JSRP1: variants seen among roughly 807,000 people sequenced by gnomAD.
JSRP1 encodes junctional sarcoplasmic reticulum protein 1.
JSRP1 carries 29 observed loss-of-function variants against 21.4 expected under a neutral mutation model. That is an observed-to-expected ratio of 1.36 (90% confidence interval 1.01 to 1.85). JSRP1 has a LOEUF of 1.85. Among genes scored for constraint, JSRP1 ranks in the 40% most tolerant of loss-of-function variants. The pLI is 0.00. For missense variants in JSRP1, 531 were observed against 461.5 expected (o/e 1.15, Z -1.38); for synonymous variants, 221 against 206.1 (o/e 1.07, Z -0.62).
At chr19:2,253,928 T>G (rs949988525) in intron 4 of JSRP1, 135 bp from the exon 5 acceptor site, 2 of 1,072,046 alleles carry the variant, frequency 1.9e-6, no homozygotes, top group African/African-American at 3.4e-5. Context: ...CGGGCGCAGG[T>G]GAACCCAGCC....
Position 2,253,873 on chromosome 19 carries a change from G to A in JSRP1, c.263-80C>T, listed in dbSNP as rs1478326059. On this transcript the variant is annotated intron_variant, in intron 4 of 6. Coordinates refer to ENST00000300961, the MANE Select transcript of JSRP1 (RefSeq NM_144616.4). The stretch of plus-strand genomic sequence containing the variant: ...CCCCGGGCGCAGGGGACAAGAGACA[G>A]GCCTGTGCCCTGAACCCGGCTCTCT... 4 of 1,323,706 alleles carry A rather than the reference G, an allele frequency of 3.0e-6. No individual in the cohort carries two copies. In the East Asian group the frequency reaches 1.2e-4, roughly 40 times the overall value. The allele number at this position is 1,323,706 out of a possible 1,614,324, so 82.0% of individuals were successfully genotyped here. A position where few individuals can be genotyped will look rare whatever the true frequency, so the allele number is the denominator to read the frequency against.
At chr19:2,254,763 G>GC (rs2025123672) in intron 2 of JSRP1, among the ~76,000 whole-genome samples, 1 of 151,280 alleles carries the variant, frequency 6.6e-6, no homozygotes, top group South Asian at 2.1e-4. Flanking sequence ...ATGGTGGCCT[G>GC]CACCTGTGGC....
At chr19:2,254,517 A>AC in intron 2 of JSRP1, 35 bp from the exon 3 acceptor site, 6 of 1,610,364 alleles carry the variant, frequency 3.7e-6, no homozygotes, top group South Asian at 2.2e-5. Flanking sequence ...GGTTGTGGGG[A>AC]CCCCCAGGCC....
At position 2,253,890 on chromosome 19, in the gene JSRP1, C is replaced by T. The variant is rs2025108492; in HGVS notation, c.263-97G>A. 3.9e-6 allele frequency: 5 copies of T among 1,288,932 alleles called. No individual in the cohort carries two copies. In the South Asian group the frequency reaches 5.6e-5, roughly 15 times the overall value. 79.8% of individuals were successfully genotyped at this position (1,288,932 alleles called of 1,614,324 possible). ...AAGAGACAGGCCTGTGCCCTGAACCCGGCTCTCTCTGCCTGCCTGTGCGGC... is the reference window on the plus strand; with the variant it reads ...AAGAGACAGGCCTGTGCCCTGAACCTGGCTCTCTCTGCCTGCCTGTGCGGC... On this transcript the variant is annotated intron_variant, in intron 4 of 6. Coordinates refer to ENST00000300961, the MANE Select transcript of JSRP1 (RefSeq NM_144616.4).
Position 2,252,561 on chromosome 19 carries a change from C to T in JSRP1, c.764G>A (p.Arg255Lys), listed in dbSNP as rs750994653. The part of the protein sequence containing the change: ...PRKEKPRKEE[R>K]PKKERPRKEE... ...TTTCCGCGGCCTCTCTTTCTTAGGT[C>T]TCTCCTCCTTCCGCGGCTTCTCCTT... Residue 255 changes from arginine to lysine, a missense_variant, in exon 7 of 7, where the codon AGA (arginine) becomes AAA (lysine). Coordinates refer to ENST00000300961, the MANE Select transcript of JSRP1 (RefSeq NM_144616.4). 1 of 1,612,888 alleles carries T rather than the reference C, an allele frequency of 6.2e-7. No individual in the cohort carries two copies. Among genetic ancestry groups the T allele is most frequent in the East Asian group, 2.2e-5 (1 of 44,870 alleles).
At chr19:2,254,014 G>A (rs561965147) in intron 4 of JSRP1, among the ~76,000 whole-genome samples, 173 bp downstream of exon 4, 30 of 152,316 alleles carry the variant, frequency 2.0e-4, no homozygotes, top group Non-Finnish European at 3.8e-4. Context: ...GGCATAGCTG[G>A]TATTATTACG....
At chr19:2,256,100 T>A (rs1027672588) in intron 1 of JSRP1, among the ~76,000 whole-genome samples, 3 of 152,038 alleles carry the variant, frequency 2.0e-5, no homozygotes, top group African/African-American at 7.2e-5. Flanking sequence ...CTCTTCAGGG[T>A]CCCCATGGCC....
In JSRP1 at chr19:2,252,835, T is replaced by A. The variant is rs771068935; in HGVS notation, c.529-39A>T. ...TGGGGTCCTGGGGTAAGCGCCCACCTTCCCCCCGGCCCGGGCTCCTTCTTT... is the reference window on the plus strand; with the variant it reads ...TGGGGTCCTGGGGTAAGCGCCCACCATCCCCCCGGCCCGGGCTCCTTCTTT... On this transcript the variant is annotated intron_variant, in intron 6 of 6. Coordinates refer to ENST00000300961, the MANE Select transcript of JSRP1 (RefSeq NM_144616.4). 18 of 1,595,968 alleles carry A rather than the reference T, an allele frequency of 1.1e-5. No homozygotes were observed. The South Asian group carries it at 2.0e-4, about 18-fold the overall frequency.
At position 2,253,787 on chromosome 19, in the gene JSRP1, C is replaced by T; in HGVS notation, c.269G>A (p.Arg90Gln). Residue 90 changes from arginine to glutamine, a missense_variant, in exon 5 of 7, where the codon CGG (arginine) becomes CAG (glutamine). Transcript: ENST00000300961. The part of the protein sequence containing the change: ...KERLKAGASP[R>Q]SVPARKKAQT... ...CGCCTTCTTGCGCGCGGGGACGCTC[C>T]GAGGGCCTGCGGGGGCAAGTGCGCG... The T allele has an allele frequency of 7.2e-7, 1 of 1,394,620 alleles. No homozygotes were observed. Among genetic ancestry groups the T allele is most frequent in the South Asian group, 1.6e-5 (1 of 61,022 alleles). The allele number at this position is 1,394,620 out of a possible 1,614,324, so 86.4% of individuals were successfully genotyped here.
At chr19:2,253,133 A>C in intron 5 of JSRP1, 130 bp from the exon 6 acceptor site, 1 of 654,164 alleles carries the variant, frequency 1.5e-6, no homozygotes, top group East Asian at 2.8e-5. Context: ...GGCTGAGACT[A>C]AGGATGCCCC....
chr19:2,252,381 T>C lies in JSRP1; in HGVS notation c.944A>G (p.Glu315Gly), dbSNP rs1226891957. 1 of 1,586,646 alleles carries C rather than the reference T, an allele frequency of 6.3e-7. No homozygotes were observed. Among genetic ancestry groups the C allele is most frequent in the Non-Finnish European group, 8.6e-7 (1 of 1,169,038 alleles). Residue 315 changes from glutamate to glycine, a missense_variant, in exon 7 of 7, where the codon GAG becomes GGG. Coordinates refer to ENST00000300961, the MANE Select transcript of JSRP1 (RefSeq NM_144616.4). ...CTTCTGGCGACTCCCAGGCCGCTGC[T>C]CCTCGTCGGGACGCCTCGGGGACAC... ...AWVSPRRPDEEQRPGSRQKLR... is the reference protein window; with the variant it reads ...AWVSPRRPDEGQRPGSRQKLR...
rs772336244 is a variant in JSRP1 at position 2,252,319 on chromosome 19, CG to C, written c.*9del. On this transcript the variant is annotated 3_prime_UTR_variant, in exon 7 of 7. Coordinates refer to ENST00000300961, the MANE Select transcript of JSRP1 (RefSeq NM_144616.4). The stretch of plus-strand genomic sequence containing the variant: ...CAGAAGGGGCCCCTGGACTCCGGCG[CG>C]GGGCCGGCTCAGTCCCGCCCCTTGC... 62 of 1,452,692 alleles carry C rather than the reference CG, an allele frequency of 4.3e-5. No homozygotes were observed. In the East Asian group the frequency reaches 1.5e-3, roughly 36 times the overall value. The allele number at this position is 1,452,692 out of a possible 1,614,324, so 90.0% of individuals were successfully genotyped here. A position where few individuals can be genotyped will look rare whatever the true frequency, so the allele number is the denominator to read the frequency against.
chr19:2,254,769 G>GTGGC (rs1322330200), intron 2 of JSRP1, among the ~76,000 whole-genome samples: 1 of 151,458 alleles, frequency 6.6e-6, no homozygotes, highest in Non-Finnish European at 1.5e-5. Flanking sequence ...GCCTGCACCT[G>GTGGC]TGGCCCCAGC....
intron 1 of JSRP1, 112 bp downstream of exon 1, chr19:2,256,271 C>T (rs915174111): frequency 5.3e-5 from 8 of 152,320 alleles, no homozygotes; most frequent in African/African-American, 1.9e-4. Context: ...GGGGCAGCTC[C>T]AGGAATTGGG....
In JSRP1 at chr19:2,253,696, T is replaced by C; in HGVS notation, c.360A>G (p.Gly120=). The part of the protein sequence containing the change: ...PPALSEELPW[G]DLSLNKCLVL... ...CCAGGCACTTGTTGAGCGACAGGTC[T>C]CCCCAGGGCAGCTCCTCGCTCAGGG... is the stretch of plus-strand genomic sequence containing the variant. The change falls in exon 5 of 7, where the codon GGA becomes GGG. Residue 120 remains glycine, a synonymous_variant. Transcript: ENST00000300961. 1 of 1,505,150 alleles carries C rather than the reference T, an allele frequency of 6.6e-7. No homozygotes were observed. The highest frequency in any genetic ancestry group is 8.8e-7 in the Non-Finnish European group (1 of 1,134,354). The allele number at this position is 1,505,150 out of a possible 1,614,324, so 93.2% of individuals were successfully genotyped here.
chr19:2,253,402 G>C (rs905175214), intron 5 of JSRP1, among the ~76,000 whole-genome samples: 3 of 152,252 alleles, frequency 2.0e-5, no homozygotes, highest in Admixed American at 2.0e-4. Flanking sequence ...CTCGCGGCGA[G>C]GGGAATGGGC....
At position 2,252,656 on chromosome 19, in the gene JSRP1, G is replaced by T; in HGVS notation, c.669C>A (p.Val223=). 6.2e-7 allele frequency: 1 copy of T among 1,612,212 alleles called. No individual in the cohort carries two copies. The change falls in exon 7 of 7, where the codon GTC becomes GTA. Residue 223 remains valine (V), a synonymous_variant. Coordinates refer to ENST00000300961, the MANE Select transcript of JSRP1 (RefSeq NM_144616.4). ...CTGCGAGGGTCACACGGTCCTCCCG[G>T]ACGGCCTCTCCGGTGGCCTCGCCGG... ...EEPGEATGEA[V]REDRVTLADR... is the part of the protein sequence containing the mutation.
At chr19:2,255,379 TGA>T in intron 1 of JSRP1, 35 bp from the exon 2 acceptor site, 1 of 1,063,672 alleles carries the variant, frequency 9.4e-7, no homozygotes, top group Non-Finnish European at 1.4e-6. Flanking sequence ...TTGCATTTAC[TGA>T]GTCTCTGCCA....
Position 2,252,948 on chromosome 19 carries a change from C to CG in JSRP1, c.491dup (p.Pro165AlafsTer14). 6.2e-7 allele frequency: 1 copy of CG among 1,609,990 alleles called. No homozygotes were observed. The highest frequency in any genetic ancestry group is 8.5e-7 in the Non-Finnish European group (1 of 1,178,630). On this transcript the variant is annotated frameshift_variant, in exon 6 of 7. Coordinates refer to ENST00000300961, the MANE Select transcript of JSRP1 (RefSeq NM_144616.4). LOFTEE classifies it low-confidence loss of function (END_TRUNC). The stretch of plus-strand genomic sequence containing the variant: ...ATGGCTCCCTCGGGGCTGAGCTTGG[C>CG]GGGACCCAGGGCTCGGGCACACGTG...
Sources: gnomAD v4.1 joint callset for allele counts (sites outside exome capture counted in the v4.1 genomes callset) on GRCh38, gnomAD v4.1.1 for gene constraint, MANE v1.5 for transcripts, NCBI Gene and HGNC (gene_info 2026-07-23, HGNC 2026-07-21) for gene names.